The following TTC39C variants were observed in gnomAD, a reference collection of about 807,000 sequenced individuals.
TTC39C encodes tetratricopeptide repeat domain 39C, also known as tetratricopeptide repeat protein 39C.
TTC39C carries 33 observed loss-of-function variants against 76.3 expected under a neutral mutation model. The observed-to-expected ratio is 0.43, with a 90% CI of 0.33 to 0.58. The LOEUF (loss-of-function observed/expected upper bound fraction) is 0.58. Among genes scored for constraint, TTC39C ranks in the 20% least tolerant of loss-of-function variants. The pLI is 0.04. For synonymous variants in TTC39C, 254 were observed against 260.6 expected (o/e 0.97, Z 0.24); for missense variants, 595 against 701.4 (o/e 0.85, Z 1.71).
At chr18:24,062,313 C>CCGCAG (rs2084111220) in intron 1 of TTC39C, among the ~76,000 whole-genome samples, 1 of 152,150 alleles carries the variant, frequency 6.6e-6, no homozygotes, top group Admixed American at 6.5e-5. Flanking sequence ...GAGGGAAAAG[C>CCGCAG]TGCAGTACTC....
At chr18:24,131,852 A>AT (rs1470992301) in intron 12 of TTC39C, 30 bp from the exon 13 acceptor site, 1 of 1,602,174 alleles carries the variant, frequency 6.2e-7, no homozygotes, top group African/African-American at 1.3e-5. Flanking sequence ...ATAAACACAG[A>AT]TTTTATGGGA....
At chr18:24,114,317 G>T (rs2084862267) in intron 6 of TTC39C, 1 of 259,996 alleles carries the variant, frequency 3.8e-6, no homozygotes, top group Non-Finnish European at 6.7e-6. Flanking sequence ...GGAGGAGAAG[G>T]CGGCGCGAGC....
At chr18:24,069,948 T>C (rs1415362674) in intron 4 of TTC39C, among the ~76,000 whole-genome samples, 2 of 152,236 alleles carry the variant, frequency 1.3e-5, no homozygotes, top group Non-Finnish European at 2.9e-5. Context: ...TTTTGGTAGA[T>C]AGAATTTACT....
intron 1 of TTC39C, among the ~76,000 whole-genome samples, chr18:24,008,851 G>A (rs573381451): frequency 5.3e-5 from 8 of 152,258 alleles, no homozygotes; most frequent in South Asian, 4.2e-4. Context: ...CATATATACC[G>A]TGGAATACCA....
intron 1 of TTC39C, among the ~76,000 whole-genome samples, chr18:24,059,611 A>G (rs530634235): frequency 2.6e-5 from 4 of 152,256 alleles, no homozygotes; most frequent in Non-Finnish European, 5.9e-5. Context: ...TATTCAGTCT[A>G]TCATTGATGG....
At chr18:24,048,131 A>G (rs1054915895) in intron 1 of TTC39C, among the ~76,000 whole-genome samples, 1 of 152,204 alleles carries the variant, frequency 6.6e-6, no homozygotes, top group Non-Finnish European at 1.5e-5. Context: ...GGTTTTATCT[A>G]TTATATGTAT....
At chr18:24,063,966 C>A (rs2145730657) in intron 1 of TTC39C, among the ~76,000 whole-genome samples, 174 bp from the exon 2 acceptor site, 2 of 152,292 alleles carry the variant, frequency 1.3e-5, no homozygotes, top group Non-Finnish European at 2.9e-5. Context: ...AGCCATAAAC[C>A]ACCTTGCCTC....
chr18:24,056,800 A>G (rs567245220), intron 1 of TTC39C, among the ~76,000 whole-genome samples: 19 of 152,218 alleles, frequency 1.2e-4, no homozygotes, highest in African/African-American at 3.9e-4. Context: ...CTCTCATGAA[A>G]GGATTCCAAA....
chr18:24,079,869 G>C (rs1281157241), intron 4 of TTC39C, among the ~76,000 whole-genome samples: 2 of 145,292 alleles, frequency 1.4e-5, no homozygotes, highest in Non-Finnish European at 3.0e-5. Context: ...TGGCACAGTT[G>C]TGGCTCACTG....
chr18:24,065,936 G>C, intron 2 of TTC39C, 76 bp from the exon 3 acceptor site: 1 of 1,405,228 alleles, frequency 7.1e-7, no homozygotes, highest in Non-Finnish European at 9.4e-7. Context: ...TTTTAATTTG[G>C]AGTTTTCTTG....
chr18:24,002,750 G>A (rs2083323623), intron 1 of TTC39C, among the ~76,000 whole-genome samples: 1 of 152,098 alleles, frequency 6.6e-6, no homozygotes, highest in Non-Finnish European at 1.5e-5. Flanking sequence ...TGGTGTCACT[G>A]AGTGAACGTA....
At chr18:24,131,019 GCA>G (rs2085120535) in intron 12 of TTC39C, among the ~76,000 whole-genome samples, 1 of 18,482 alleles carries the variant, frequency 5.4e-5, no homozygotes, top group African/African-American at 2.2e-4. Flanking sequence ...CCTCATCTCT[GCA>G]AAAAAAAAAA....
At chr18:23,999,622 G>A (rs952122444) in intron 1 of TTC39C, among the ~76,000 whole-genome samples, 2 of 152,224 alleles carry the variant, frequency 1.3e-5, no homozygotes, top group Non-Finnish European at 2.9e-5. Context: ...GCTAGGGCCC[G>A]GGCTGCAAAT....
intron 8 of TTC39C, among the ~76,000 whole-genome samples, chr18:24,123,067 C>T (rs2084993124): frequency 6.6e-6 from 1 of 152,138 alleles, no homozygotes; most frequent in Admixed American, 6.5e-5. Flanking sequence ...AGTAGGCAGC[C>T]AAGGAACTTG....
rs769253768 is a variant in TTC39C at position 24,123,933 on chromosome 18, C to T, written c.1286C>T (p.Ser429Leu). Reference protein sequence around the residue: ...KRKNNQIEQFSVKKAERFRKQ... With the variant: ...KRKNNQIEQFLVKKAERFRKQ... Reference sequence around the variant, plus strand: ...AAAAACAATCAGATTGAACAGTTCTCGGTGAAAAAGGTATGTTGGAGCCTA... The same window carrying T: ...AAAAACAATCAGATTGAACAGTTCTTGGTGAAAAAGGTATGTTGGAGCCTA... Residue 429 changes from serine (S) to leucine (L), a missense_variant, in exon 9 of 14, where the codon TCG (serine) becomes TTG (leucine). Coordinates refer to ENST00000317571, the MANE Select transcript of TTC39C (RefSeq NM_001135993.2). The T allele has an allele frequency of 3.9e-5, 62 of 1,606,318 alleles. No homozygotes were observed. Among genetic ancestry groups the T allele is most frequent in the Non-Finnish European group, 4.9e-5 (58 of 1,177,094 alleles).
intron 1 of TTC39C, chr18:24,022,806 T>C: frequency 1.0e-6 from 1 of 985,398 alleles, no homozygotes. Context: ...CCTTGTCCCT[T>C]CCATGCTAGT....
chr18:23,996,293 A>G (rs2083260725), intron 1 of TTC39C, among the ~76,000 whole-genome samples: 1 of 152,238 alleles, frequency 6.6e-6, no homozygotes, highest in Admixed American at 6.5e-5. Flanking sequence ...GGGGCAGTGC[A>G]TCGAAAACTT....
intron 11 of TTC39C, among the ~76,000 whole-genome samples, chr18:24,129,975 TG>T (rs1374535421): frequency 6.6e-6 from 1 of 152,176 alleles, no homozygotes; most frequent in African/African-American, 2.4e-5. Context: ...ATAGTTACCT[TG>T]TGTGTTTTCT....
intron 1 of TTC39C, among the ~76,000 whole-genome samples, chr18:24,023,970 A>ATCTATATCTATATC (rs1555766843): frequency 7.0e-5 from 1 of 14,198 alleles, no homozygotes; most frequent in Non-Finnish European, 2.0e-4. Flanking sequence ...ATATATATAT[A>ATCTATATCTATATC]TATATATATA....
Sources: gnomAD v4.1 joint callset for allele counts (sites outside exome capture counted in the v4.1 genomes callset) on GRCh38, gnomAD v4.1.1 for gene constraint, MANE v1.5 for transcripts, NCBI Gene and HGNC (gene_info 2026-07-23, HGNC 2026-07-21) for gene names.